GPR161: variants seen among roughly 807,000 people sequenced by gnomAD.
GPR161 encodes the protein G protein-coupled receptor 161.
In GPR161, 25 loss-of-function variants were observed where a neutral mutation model predicts 39.2. The ratio of observed to expected loss-of-function variants is 0.64; its 90% CI spans 0.47 to 0.89. The LOEUF is 0.89. Ranked by LOEUF, GPR161 falls within the 40% of genes least tolerant of loss-of-function variation. The pLI is 0.00. For synonymous variants in GPR161, 286 were observed against 276.6 expected (o/e 1.03, Z -0.34); for missense variants, 547 against 677.8 (o/e 0.81, Z 2.14).
At chr1:168,137,383 T>C, upstream of GPR161, 2 of 1,535,996 alleles carry the variant, frequency 1.3e-6, no homozygotes, top group Non-Finnish European at 1.7e-6. Context: ...TCGCCTTTGC[T>C]GCTCACCTTT....
chr1:168,136,058 G>A, intron 1 of GPR161: 1 of 1,252,636 alleles, frequency 8.0e-7, no homozygotes, highest in Non-Finnish European at 1.0e-6. Context: ...GTTGCACGGG[G>A]GTTAAGCTTG....
intron 3 of GPR161, 36 bp from the exon 4 acceptor site, chr1:168,090,704 A>G: frequency 7.9e-7 from 1 of 1,265,032 alleles, no homozygotes; most frequent in Non-Finnish European, 1.1e-6. Context: ...ACACAATCAC[A>G]CTCTGCAAGG....
chr1:168,103,907 C>T (rs546930693), intron 2 of GPR161, among the ~76,000 whole-genome samples: 13 of 152,376 alleles, frequency 8.5e-5, no homozygotes, highest in African/African-American at 2.9e-4. Context: ...TGCTTAGGAA[C>T]ATCAGCTGCG....
chr1:168,106,900 T>C (rs1696670711), intron 1 of GPR161, among the ~76,000 whole-genome samples: 2 of 152,192 alleles, frequency 1.3e-5, no homozygotes, highest in South Asian at 2.1e-4. Flanking sequence ...CTTTGTAAGG[T>C]TGTTTTTGGT....
chr1:168,136,144 G>A (rs1699341908), intron 1 of GPR161: 6 of 1,262,466 alleles, frequency 4.8e-6, no homozygotes, highest in Non-Finnish European at 6.0e-6. Context: ...GCAGATCTGA[G>A]GGGCAGAGCC....
rs1045530741 is a variant in GPR161, at chr1:168,083,312, A to G, written c.*2219T>C. 2 of 152,220 alleles carry G rather than the reference A, an allele frequency of 1.3e-5. No individual in the cohort carries two copies. The highest frequency in any genetic ancestry group is 4.8e-5 in the African/African-American group (2 of 41,436). 9.4% of individuals were successfully genotyped at this position (152,220 alleles called of 1,614,324 possible). On this transcript the variant is annotated 3_prime_UTR_variant, in exon 6 of 6. Coordinates refer to ENST00000682931, the MANE Select transcript of GPR161 (RefSeq NM_001375883.1). ...TTCTAGATTTAGATTAAATTCTATAATAGCCCAGCTAGTGTGGGGTCAGTG... is the reference window on the plus strand; with the variant it reads ...TTCTAGATTTAGATTAAATTCTATAGTAGCCCAGCTAGTGTGGGGTCAGTG...
rs1381389381 is a variant in GPR161 at position 168,084,782 on chromosome 1, C to T, written c.*749G>A. On this transcript the variant is annotated 3_prime_UTR_variant, in exon 6 of 6. Transcript: ENST00000682931. The stretch of plus-strand genomic sequence containing the variant: ...TCTTAAATGGATTTTTTTTTTAATT[C>T]TGGAAATGAAACACCTAGTACCTGC... The T allele has an allele frequency of 6.7e-5, 30 of 444,696 alleles. No homozygotes were observed. The highest frequency in any genetic ancestry group is 4.3e-4 in the Admixed American group (17 of 39,100). 27.5% of individuals were successfully genotyped at this position (444,696 alleles called of 1,614,324 possible).
chr1:168,119,256 ACGTATATATATG>A (rs1558129980), intron 1 of GPR161, among the ~76,000 whole-genome samples: 9 of 112,198 alleles, frequency 8.0e-5, no homozygotes, highest in African/African-American at 3.1e-4. Flanking sequence ...ATATATATAT[ACGTATATATATG>A]TGTATATATA....
At chr1:168,136,183 G>A in intron 1 of GPR161, 1 of 1,271,856 alleles carries the variant, frequency 7.9e-7, no homozygotes, top group Non-Finnish European at 9.9e-7. Flanking sequence ...GGCCACTTCT[G>A]GGCGCGCCAC....
In GPR161 at chr1:168,079,724, T is replaced by C. The variant is rs1208484525; in HGVS notation, c.*5807A>G. ...GATTTTTGTTTTTCGAGGGTTGGTT[T>C]TTAACCACTTCTTCATCCAGCGGTC... On this transcript the variant is annotated 3_prime_UTR_variant, in exon 6 of 6. Transcript: ENST00000682931. 6.6e-6 allele frequency: 1 copy of C among 152,188 alleles called. No homozygotes were observed. Among genetic ancestry groups the C allele is most frequent in the Non-Finnish European group, 1.5e-5 (1 of 68,036 alleles). 9.4% of individuals were successfully genotyped at this position (152,188 alleles called of 1,614,324 possible).
At chr1:168,096,407 C>T in intron 3 of GPR161, 101 bp downstream of exon 3, 1 of 1,190,838 alleles carries the variant, frequency 8.4e-7, no homozygotes, top group Non-Finnish European at 1.2e-6. Context: ...AGCCTTACCG[C>T]CAGTCAGCCT....
In GPR161 at chr1:168,091,319, C is replaced by T. The variant is rs187626983; in HGVS notation, c.1100-651G>A. Among the ~76,000 whole-genome samples the T allele has an allele frequency of 2.8e-3, 428 of 152,300 alleles. 1 individual carries two copies. Among genetic ancestry groups the T allele is most frequent in the Non-Finnish European group, 4.6e-3 (314 of 68,024 alleles). The stretch of plus-strand genomic sequence containing the variant: ...GAGAGGAGAGAGAGTGAGCCCCGGG[C>T]ACAGCCGCGGCAGAAGCGACCCAGT... On this transcript the variant is annotated intron_variant, in intron 3 of 5. Transcript: ENST00000682931.
chr1:168,092,355 C>A (rs76905393), intron 3 of GPR161, among the ~76,000 whole-genome samples: 1 of 152,180 alleles, frequency 6.6e-6, no homozygotes, highest in Admixed American at 6.5e-5. Context: ...AGGAACATGT[C>A]GGTCTGCACC....
In GPR161 at chr1:168,085,489, G is replaced by T; in HGVS notation, c.*42C>A. On this transcript the variant is annotated 3_prime_UTR_variant, in exon 6 of 6. Coordinates refer to ENST00000682931, the MANE Select transcript of GPR161 (RefSeq NM_001375883.1). The stretch of plus-strand genomic sequence containing the variant: ...AGGCGGTGATGGGAACTCCTCCCCG[G>T]GCCAGCCTCTCAGGCTGCAGCCCCA... 6.3e-7 allele frequency: 1 copy of T among 1,577,394 alleles called. No individual in the cohort carries two copies. Among genetic ancestry groups the T allele is most frequent in the Non-Finnish European group, 8.6e-7 (1 of 1,156,118 alleles).
chr1:168,105,187 G>A (rs963232283), intron 1 of GPR161, among the ~76,000 whole-genome samples: 2 of 152,162 alleles, frequency 1.3e-5, no homozygotes, highest in Non-Finnish European at 2.9e-5. Context: ...AGAATCGTCT[G>A]AAGTGCCAGT....
chr1:168,094,275 A>ATT (rs3835595), intron 3 of GPR161, among the ~76,000 whole-genome samples: 64 of 150,384 alleles, frequency 4.3e-4, no homozygotes, highest in South Asian at 4.2e-4. Flanking sequence ...GAAAACATCT[A>ATT]TTTTTTTTTG....
chr1:168,124,830 C>T (rs1698466274), intron 1 of GPR161, among the ~76,000 whole-genome samples: 1 of 152,162 alleles, frequency 6.6e-6, no homozygotes, highest in Admixed American at 6.5e-5. Context: ...AAGTGTGGTA[C>T]TCCTCCCATT....
At chr1:168,095,125 A>T (rs1695405884) in intron 3 of GPR161, among the ~76,000 whole-genome samples, 1 of 152,256 alleles carries the variant, frequency 6.6e-6, no homozygotes, top group South Asian at 2.1e-4. Flanking sequence ...ACCTCATTCT[A>T]ATCTTGAGAA....
chr1:168,104,198 G>C (rs894545184), intron 2 of GPR161, among the ~76,000 whole-genome samples: 1 of 152,206 alleles, frequency 6.6e-6, no homozygotes, highest in African/African-American at 2.4e-5. Flanking sequence ...CTTGGCTTCG[G>C]CTTCTTCATC....
Sources: allele counts gnomAD v4.1 joint callset (sites outside exome capture counted in the v4.1 genomes callset), GRCh38; gene constraint gnomAD v4.1.1; transcripts MANE v1.5; gene names NCBI Gene and HGNC (gene_info 2026-07-23, HGNC 2026-07-21).